DOCK6: variants seen among roughly 807,000 people sequenced by gnomAD.
DOCK6 encodes dedicator of cytokinesis protein 6.
In DOCK6, 167 loss-of-function variants were observed where a neutral mutation model predicts 230.3. The observed-to-expected ratio is 0.73, with a 90% CI of 0.64 to 0.82. The LOEUF is 0.82. Ranked by LOEUF, DOCK6 falls within the 40% of genes least tolerant of loss-of-function variation. The pLI, the probability that DOCK6 is intolerant of heterozygous loss-of-function variation, is 0.00. For synonymous variants in DOCK6, 1,148 were observed against 1,185.0 expected (o/e 0.97, Z 0.64); for missense variants, 2,598 against 2,825.8 (o/e 0.92, Z 1.83).
chr19:11,246,381 T>C (rs929633431), intron 7 of DOCK6, among the ~76,000 whole-genome samples: 2 of 151,962 alleles, frequency 1.3e-5, no homozygotes, highest in African/African-American at 4.8e-5. Context: ...GCTGGGATAA[T>C]AGGCATGAGC....
At chr19:11,252,277 G>A (rs1455905968) in intron 4 of DOCK6, 29 bp from the exon 5 acceptor site, 2 of 1,573,572 alleles carry the variant, frequency 1.3e-6, no homozygotes, top group East Asian at 2.3e-5. Context: ...GGGCAGGTAG[G>A]GAGGGCTGAG....
chr19:11,200,798 A>C lies in DOCK6; in HGVS notation c.5857T>G (p.Phe1953Val). 1 of 1,612,776 alleles carries C rather than the reference A, an allele frequency of 6.2e-7. No homozygotes were observed. Among genetic ancestry groups the C allele is most frequent in the Non-Finnish European group, 8.5e-7 (1 of 1,178,994 alleles). The change falls in exon 46 of 48, where the codon TTT becomes GTT. Residue 1953 changes from phenylalanine to valine, a missense_variant. Phe to Val is a conservative substitution (Grantham distance 50). Coordinates refer to ENST00000294618, the MANE Select transcript of DOCK6 (RefSeq NM_020812.4). The surrounding 1 kb of genome is among the most constrained non-coding windows in gnomAD (Gnocchi z 4.3). ...GGGTCTTCCGGGATCTCTGCTAAAAACACCTGGGCCACCTCCAGGGGACCC... is the reference window on the plus strand; with the variant it reads ...GGGTCTTCCGGGATCTCTGCTAAAACCACCTGGGCCACCTCCAGGGGACCC... ...NQGPLEVAQV[F>V]LAEIPEDPKL...
chr19:11,221,825 A>AC, intron 28 of DOCK6, 26 bp downstream of exon 28: 10 of 1,613,322 alleles, frequency 6.2e-6, no homozygotes, highest in Non-Finnish European at 8.5e-6. Context: ...GGATCATGTG[A>AC]CCCCATCTTC....
Position 11,222,900 on chromosome 19 carries a change from G to T in DOCK6, c.3075C>A (p.Ala1025=). The T allele has an allele frequency of 6.2e-7, 1 of 1,610,200 alleles. No individual in the cohort carries two copies. Among genetic ancestry groups the T allele is most frequent in the Non-Finnish European group, 8.5e-7 (1 of 1,178,462 alleles). Residue 1025 remains alanine (A), a synonymous_variant, in exon 26 of 48, where the codon GCC becomes GCA. Transcript: ENST00000294618. This position sits in a 1 kb window ranked among gnomAD's most constrained non-coding sequence, Gnocchi z 4.0. ...GATTAGGGGACGACTGGAGCCGCGT[G>T]GCCACCTGCAGGAGAGGGGTGGCCA... ...SLVRAHYKQV[A]TRLQSSPNPA...
intron 21 of DOCK6, among the ~76,000 whole-genome samples, chr19:11,234,507 T>TA (rs5827121): frequency 1.0e-3 from 148 of 145,480 alleles, no homozygotes; most frequent in South Asian, 2.8e-3. Context: ...TTTGGCAAAT[T>TA]AAAAAAAAAA....
intron 6 of DOCK6, 76 bp downstream of exon 6, chr19:11,250,798 C>T: frequency 7.1e-7 from 1 of 1,408,508 alleles, no homozygotes; most frequent in Non-Finnish European, 9.7e-7. Flanking sequence ...TCTATAGAAG[C>T]TATTGAATAA....
In DOCK6 at chr19:11,222,916, G is replaced by A. The variant is rs772931275; in HGVS notation, c.3070-11C>T. 3 of 1,611,226 alleles carry A rather than the reference G, an allele frequency of 1.9e-6. No individual in the cohort carries two copies. The highest frequency in any genetic ancestry group is 2.5e-6 in the Non-Finnish European group (3 of 1,178,932). On this transcript the variant is annotated splice_polypyrimidine_tract_variant and intron_variant, in intron 25 of 47. Transcript: ENST00000294618. This position sits in a 1 kb window ranked among gnomAD's most constrained non-coding sequence, Gnocchi z 4.0. Reference sequence around the variant, plus strand: ...GAGCCGCGTGGCCACCTGCAGGAGAGGGGTGGCCATCAGTGATGTCAACAT... The same window carrying A: ...GAGCCGCGTGGCCACCTGCAGGAGAAGGGTGGCCATCAGTGATGTCAACAT...
chr19:11,255,176 C>T (rs1281468281), intron 1 of DOCK6, among the ~76,000 whole-genome samples: 1 of 151,992 alleles, frequency 6.6e-6, no homozygotes, highest in Non-Finnish European at 1.5e-5. Context: ...GCTAATTTTT[C>T]GTATTTTTAG....
chr19:11,257,390 G>T (rs2080213780), intron 1 of DOCK6, among the ~76,000 whole-genome samples: 1 of 149,702 alleles, frequency 6.7e-6, no homozygotes, highest in Non-Finnish European at 1.5e-5. Context: ...GCTTTGGGAG[G>T]CCAAGGCGGG....
chr19:11,229,443 G>A (rs1343549928), intron 22 of DOCK6: 1 of 922,894 alleles, frequency 1.1e-6, no homozygotes, highest in Non-Finnish European at 1.3e-6. Flanking sequence ...AGGTGAAGGG[G>A]TATGTGGTTG....
Position 11,222,082 on chromosome 19 carries a change from C to G in DOCK6, c.3380+27G>C, listed in dbSNP as rs747900477. 1 of 1,609,436 alleles carries G rather than the reference C, an allele frequency of 6.2e-7. No homozygotes were observed. The highest frequency in any genetic ancestry group is 8.5e-7 in the Non-Finnish European group (1 of 1,176,732). On this transcript the variant is annotated intron_variant, in intron 27 of 47. Coordinates refer to ENST00000294618, the MANE Select transcript of DOCK6 (RefSeq NM_020812.4). This position sits in a 1 kb window ranked among gnomAD's most constrained non-coding sequence, Gnocchi z 4.0. ...TGGCTCCTGGACTGTCCCACCTGTC[C>G]TGGGGCTAGACAGGAGCTCTGCTCA... is the stretch of plus-strand genomic sequence containing the variant.
chr19:11,258,008 A>G (rs1251709248), intron 1 of DOCK6, among the ~76,000 whole-genome samples: 1 of 152,184 alleles, frequency 6.6e-6, no homozygotes, highest in Non-Finnish European at 1.5e-5. Flanking sequence ...AAAATATGCC[A>G]ATCCAGCAAT....
Position 11,235,676 on chromosome 19 carries a change from G to A in DOCK6, c.2476C>T (p.Arg826Cys), listed in dbSNP as rs35881692. Residue 826 changes from arginine (R) to cysteine (C), a missense_variant, in exon 21 of 48, where the codon CGC becomes TGC. Arg to Cys is a radical substitution (Grantham distance 180). Coordinates refer to ENST00000294618, the MANE Select transcript of DOCK6 (RefSeq NM_020812.4). ...HRSLEAAQDA[R>C]GHCPQLAAYV... ...GCAGCCAGCTGTGGGCAGTGACCGC[G>A]GGCATCCTGGGCTGCCTCCAGGCTC... 5.1e-4 allele frequency: 821 copies of A among 1,601,780 alleles called. 2 individuals carry two copies. The African/African-American group carries it at 0.01, about 20-fold the overall frequency.
At chr19:11,252,585 A>C in intron 3 of DOCK6, 35 bp from the exon 4 acceptor site, 1 of 1,612,188 alleles carries the variant, frequency 6.2e-7, no homozygotes, top group Non-Finnish European at 8.5e-7. Flanking sequence ...AACAGAGACA[A>C]GGCCTCTGTG....
At position 11,252,822 on chromosome 19, in the gene DOCK6, C is replaced by G; in HGVS notation, c.269G>C (p.Arg90Pro). 6.2e-7 allele frequency: 1 copy of G among 1,613,342 alleles called. No individual in the cohort carries two copies. The highest frequency in any genetic ancestry group is 8.5e-7 in the Non-Finnish European group (1 of 1,179,596). ...ADDLELLLQP[R>P]ECRTTEPGIP... Reference sequence around the variant, plus strand: ...CCCGGGCTCCGTGGTCCGGCATTCCCGGGGCTGCAGCAGCAGCTCCAAGTC... The same window carrying G: ...CCCGGGCTCCGTGGTCCGGCATTCCGGGGGCTGCAGCAGCAGCTCCAAGTC... Residue 90 changes from arginine (R) to proline (P), a missense_variant, in exon 3 of 48, where the codon CGG (arginine) becomes CCG (proline). Coordinates refer to ENST00000294618, the MANE Select transcript of DOCK6 (RefSeq NM_020812.4).
At chr19:11,244,026 C>T (rs543279905) in intron 9 of DOCK6, 144 bp from the exon 10 acceptor site, 55 of 872,640 alleles carry the variant, frequency 6.3e-5, no homozygotes, top group Admixed American at 6.2e-4. Flanking sequence ...TCCCATGGCT[C>T]CCGCTGTCCT....
chr19:11,242,759 C>T (rs768209886), intron 13 of DOCK6, among the ~76,000 whole-genome samples: 11 of 152,028 alleles, frequency 7.2e-5, no homozygotes, highest in Non-Finnish European at 1.2e-4. Context: ...AAAGTGTTGG[C>T]GTTACAGACT....
In DOCK6 at chr19:11,262,292, G is replaced by A. The variant is rs1381648835; in HGVS notation, c.44+105C>T. The A allele has an allele frequency of 6.6e-6, 5 of 760,108 alleles. No individual in the cohort carries two copies. In the South Asian group the frequency reaches 3.0e-4, roughly 46 times the overall value. 47.1% of individuals were successfully genotyped at this position (760,108 alleles called of 1,614,324 possible). A position where few individuals can be genotyped will look rare whatever the true frequency, so the allele number is the denominator to read the frequency against. ...AAGCTGGCGGGACCCGGGCCGAGGC[G>A]GAAAGGGGTTGAATTGGGGGCGCCC... is the stretch of plus-strand genomic sequence containing the variant. On this transcript the variant is annotated intron_variant, in intron 1 of 47. Coordinates refer to ENST00000294618, the MANE Select transcript of DOCK6 (RefSeq NM_020812.4).
chr19:11,225,025 C>T (rs1599235331), intron 24 of DOCK6, among the ~76,000 whole-genome samples: 1 of 151,560 alleles, frequency 6.6e-6, no homozygotes, highest in African/African-American at 2.4e-5. Flanking sequence ...GATTGCGCCA[C>T]TGCACTCCCG....
Sources: allele counts gnomAD v4.1 joint callset (sites outside exome capture counted in the v4.1 genomes callset), GRCh38; gene constraint gnomAD v4.1.1; non-coding constraint Gnocchi (gnomAD v3.1); transcripts MANE v1.5; gene names NCBI Gene and HGNC (gene_info 2026-07-23, HGNC 2026-07-21).